SEC24A: variants seen among roughly 807,000 people sequenced by gnomAD.
SEC24A encodes SEC24 homolog A, COPII component.
A neutral mutation model predicts 129.4 loss-of-function variants in SEC24A; 93 were observed. That is an observed-to-expected ratio of 0.72 (90% CI 0.61 to 0.85). SEC24A has a LOEUF of 0.85. Ranked by LOEUF, SEC24A falls within the 40% of genes least tolerant of loss-of-function variation. SEC24A has a pLI of 0.00. For synonymous variants in SEC24A, 460 were observed against 467.3 expected (o/e 0.98, Z 0.20); for missense variants, 1,264 against 1,307.4 (o/e 0.97, Z 0.51).
At chr5:134,685,485 G>T (rs1751422239) in intron 9 of SEC24A, among the ~76,000 whole-genome samples, 1 of 152,116 alleles carries the variant, frequency 6.6e-6, no homozygotes, top group Middle Eastern at 3.4e-3. Flanking sequence ...TATACAAAAG[G>T]ATGTGCATAG....
intron 17 of SEC24A, among the ~76,000 whole-genome samples, chr5:134,705,732 A>G (rs1264258833): frequency 6.6e-6 from 1 of 152,044 alleles, no homozygotes; most frequent in African/African-American, 2.4e-5. Context: ...CCACAATCTA[A>G]TTTTATAACA....
chr5:134,695,427 G>A (rs1299425673), intron 13 of SEC24A, among the ~76,000 whole-genome samples: 4 of 152,058 alleles, frequency 2.6e-5, no homozygotes, highest in Admixed American at 6.6e-5. Context: ...TGAGGCAGGC[G>A]GATAACCTGA....
intron 1 of SEC24A, among the ~76,000 whole-genome samples, chr5:134,656,885 A>G (rs539672966): frequency 2.7e-5 from 4 of 150,936 alleles, no homozygotes; most frequent in Non-Finnish European, 5.9e-5. Flanking sequence ...GGGCTCAAGT[A>G]ATCCTTGATC....
intron 18 of SEC24A, among the ~76,000 whole-genome samples, chr5:134,709,153 G>A (rs1752250517): frequency 6.6e-6 from 1 of 152,172 alleles, no homozygotes; most frequent in Non-Finnish European, 1.5e-5. Context: ...GGAGGTTGTA[G>A]TGAGCCCATA....
intron 19 of SEC24A, among the ~76,000 whole-genome samples, chr5:134,716,659 G>A (rs1382262053): frequency 2.7e-5 from 4 of 150,248 alleles, no homozygotes; most frequent in East Asian, 2.0e-4. Context: ...TTAACTGGTC[G>A]TGGTGATGCA....
At chr5:134,682,935 G>A (rs113245020) in intron 9 of SEC24A, among the ~76,000 whole-genome samples, 96 of 152,108 alleles carry the variant, frequency 6.3e-4, no homozygotes, top group African/African-American at 2.1e-3. Context: ...AATATATAAG[G>A]GTATATTTGA....
At position 134,720,994 on chromosome 5, in the gene SEC24A, C is replaced by T. The variant is rs1752612069; in HGVS notation, c.2971-4C>T. The T allele has an allele frequency of 1.3e-6, 2 of 1,581,594 alleles. No homozygotes were observed. Among genetic ancestry groups the T allele is most frequent in the Non-Finnish European group, 1.7e-6 (2 of 1,150,722 alleles). On this transcript the variant is annotated splice_region_variant and splice_polypyrimidine_tract_variant and intron_variant, in intron 20 of 22. Coordinates refer to ENST00000398844, the MANE Select transcript of SEC24A (RefSeq NM_021982.3). Reference sequence around the variant, plus strand: ...TCTCAAAATAATTTTATTCCTGTCCCTAGGTACTGATGCTTTGGGTTGGAA... The same window carrying T: ...TCTCAAAATAATTTTATTCCTGTCCTTAGGTACTGATGCTTTGGGTTGGAA...
chr5:134,714,558 C>G (rs189731763), intron 18 of SEC24A, among the ~76,000 whole-genome samples: 48 of 152,296 alleles, frequency 3.2e-4, no homozygotes, highest in Admixed American at 1.2e-3. Flanking sequence ...CCACCATGTC[C>G]CCACCAGTCT....
chr5:134,686,364 G>C (rs368854275), intron 9 of SEC24A, among the ~76,000 whole-genome samples: 91 of 151,906 alleles, frequency 6.0e-4, no homozygotes, highest in African/African-American at 1.8e-3. Flanking sequence ...CCTCCCGAGA[G>C]TAGCTGGGAC....
intron 14 of SEC24A, 58 bp downstream of exon 14, chr5:134,697,304 T>C: frequency 7.1e-7 from 1 of 1,408,782 alleles, no homozygotes; most frequent in South Asian, 1.3e-5. Flanking sequence ...ATGGTCCTTA[T>C]ATGATAGTGT....
intron 3 of SEC24A, among the ~76,000 whole-genome samples, chr5:134,671,391 A>AT (rs1554137917): frequency 1.3e-5 from 2 of 151,782 alleles, no homozygotes; most frequent in African/African-American, 2.4e-5. Context: ...GATTTTGATA[A>AT]TTTTTTTTCA....
intron 19 of SEC24A, among the ~76,000 whole-genome samples, chr5:134,717,501 C>A (rs958242213): frequency 1.3e-5 from 2 of 152,060 alleles, no homozygotes; most frequent in South Asian, 4.2e-4. Context: ...GAGTGAAACT[C>A]TGTCTCAAAA....
At chr5:134,658,805 A>G (rs1183985197) in intron 1 of SEC24A, among the ~76,000 whole-genome samples, 1 of 152,132 alleles carries the variant, frequency 6.6e-6, no homozygotes, top group Non-Finnish European at 1.5e-5. Flanking sequence ...TAGAATAGAT[A>G]TGATAGTTTT....
intron 17 of SEC24A, among the ~76,000 whole-genome samples, chr5:134,705,903 T>TTTA (rs1383425974): frequency 6.6e-6 from 1 of 151,460 alleles, no homozygotes; most frequent in Non-Finnish European, 1.5e-5. Flanking sequence ...TTTTTTTTTT[T>TTTA]TGAGATGGAG....
chr5:134,648,802 C>G lies in SEC24A; in HGVS notation c.-275C>G. ...TGACAGGCACTTCCGGCCAGGGCCT[C>G]CCTCCTTCTCTCTAGGTTTGGCTGC... On this transcript the variant is annotated 5_prime_UTR_variant, in exon 1 of 23. Transcript: ENST00000398844. The G allele has an allele frequency of 3.4e-6, 1 of 297,572 alleles. No individual in the cohort carries two copies. Among genetic ancestry groups the G allele is most frequent in the Non-Finnish European group, 6.3e-6 (1 of 159,340 alleles). The allele number at this position is 297,572 out of a possible 1,614,324, so 18.4% of individuals were successfully genotyped here.
At chr5:134,675,569 A>T (rs181833048) in intron 6 of SEC24A, among the ~76,000 whole-genome samples, 14 of 152,256 alleles carry the variant, frequency 9.2e-5, no homozygotes, top group African/African-American at 3.1e-4. Context: ...CAAACATAAT[A>T]CCTTTTTTTC....
intron 4 of SEC24A, among the ~76,000 whole-genome samples, chr5:134,673,054 T>A (rs1750927032): frequency 6.8e-6 from 1 of 148,098 alleles, no homozygotes; most frequent in African/African-American, 2.5e-5. Flanking sequence ...ATTTAGGATT[T>A]TTTTTTTTTT....
intron 18 of SEC24A, among the ~76,000 whole-genome samples, chr5:134,711,603 GC>G (rs561904709): frequency 1.3e-3 from 166 of 129,752 alleles, no homozygotes; most frequent in African/African-American, 4.5e-3. Context: ...TCGCTATGTC[GC>G]CCAGGCTGGA....
intron 11 of SEC24A, 119 bp downstream of exon 11, chr5:134,688,418 A>G (rs1751521906): frequency 3.0e-6 from 2 of 660,894 alleles, no homozygotes; most frequent in Admixed American, 2.9e-5. Flanking sequence ...GTATAAAATC[A>G]TGATTGTTGG....
Sources: gnomAD v4.1 joint callset for allele counts (sites outside exome capture counted in the v4.1 genomes callset) on GRCh38, gnomAD v4.1.1 for gene constraint, MANE v1.5 for transcripts, NCBI Gene and HGNC (gene_info 2026-07-23, HGNC 2026-07-21) for gene names.